KATNAL1: variants seen among roughly 807,000 people sequenced by gnomAD.
KATNAL1 encodes the protein katanin catalytic subunit A1 like 1.
In KATNAL1, 32 loss-of-function variants were observed where a neutral mutation model predicts 55.2. The observed-to-expected ratio is 0.58, with a 90% CI of 0.44 to 0.78. The LOEUF (loss-of-function observed/expected upper bound fraction) is 0.78. Among genes scored for constraint, KATNAL1 ranks in the 30% least tolerant of loss-of-function variants. The pLI, the probability that KATNAL1 is intolerant of heterozygous loss-of-function variation, is 0.00. For missense variants in KATNAL1, 466 were observed against 600.9 expected (o/e 0.78, Z 2.35); for synonymous variants, 193 against 193.6 (o/e 1.00, Z 0.02).
At chr13:30,293,354 C>A (rs960069440) in intron 1 of KATNAL1, among the ~76,000 whole-genome samples, 4 of 152,048 alleles carry the variant, frequency 2.6e-5, no homozygotes, top group Non-Finnish European at 5.9e-5. Context: ...AAGTGTGCAG[C>A]TCAATGACCT....
At chr13:30,282,788 A>G (rs1427928602) in intron 2 of KATNAL1, among the ~76,000 whole-genome samples, 1 of 151,072 alleles carries the variant, frequency 6.6e-6, no homozygotes, top group Admixed American at 6.6e-5. Flanking sequence ...CCCCATCTCT[A>G]CTAAAAAATA....
chr13:30,240,985 A>G lies in KATNAL1; in HGVS notation c.594T>C (p.Ile198=), dbSNP rs780582136. 22 of 1,613,148 alleles carry G rather than the reference A, an allele frequency of 1.4e-5. No individual in the cohort carries two copies. The African/African-American group carries it at 2.9e-4, about 22-fold the overall frequency. ...KDLVEALERD[I]VSRNPSIHWD... ...AATGAATGCTAGGATTCCTGGATAC[A>G]ATGTCTCTTTCAAGGGCTTCCACCA... The change falls in exon 5 of 11, where the codon ATT becomes ATC. Residue 198 remains isoleucine, a synonymous_variant. Coordinates refer to ENST00000380615, the MANE Select transcript of KATNAL1 (RefSeq NM_032116.5).
chr13:30,223,828 T>C (rs1404620094), intron 9 of KATNAL1, among the ~76,000 whole-genome samples: 3 of 152,130 alleles, frequency 2.0e-5, no homozygotes, highest in Non-Finnish European at 4.4e-5. Context: ...TCAGCAAGGA[T>C]CTTATTATTT....
chr13:30,279,934 T>C, intron 3 of KATNAL1, 129 bp downstream of exon 3: 1 of 749,892 alleles, frequency 1.3e-6, no homozygotes, highest in Middle Eastern at 2.5e-4. Context: ...TGTATAAATG[T>C]GAATATTAAA....
intron 1 of KATNAL1, 86 bp from the exon 2 acceptor site, chr13:30,283,877 CT>C (rs34524152): frequency 0.2 from 138,188 of 675,392 alleles, 218 homozygotes; most frequent in South Asian, 0.24. Context: ...TTTAAAACTA[CT>C]TTTTTTTTTT....
chr13:30,294,137 C>T (rs932979411), intron 1 of KATNAL1, among the ~76,000 whole-genome samples: 1 of 152,148 alleles, frequency 6.6e-6, no homozygotes, highest in Non-Finnish European at 1.5e-5. Context: ...ACAATAGCCT[C>T]TAAGTGTTCA....
chr13:30,270,138 C>G lies in KATNAL1; in HGVS notation c.323+9925G>C, dbSNP rs1271220299. ...GGAGGTGAGGGGCGCCTCTGCCCGG[C>G]CGCCCCTACTGGGAAGTGAGGAGCC... On this transcript the variant is annotated intron_variant, in intron 3 of 10. Coordinates refer to ENST00000380615, the MANE Select transcript of KATNAL1 (RefSeq NM_032116.5). Among the ~76,000 whole-genome samples, 2 of 137,636 alleles carry G rather than the reference C, an allele frequency of 1.5e-5. 1 individual carries two copies. 90.3% of individuals were successfully genotyped at this position (137,636 alleles called of 152,430 possible).
intron 9 of KATNAL1, among the ~76,000 whole-genome samples, chr13:30,214,659 A>G (rs1388995739): frequency 6.6e-6 from 1 of 152,200 alleles, no homozygotes; most frequent in Non-Finnish European, 1.5e-5. Context: ...CCTCAGAAAA[A>G]CAAGCAATGG....
chr13:30,253,130 T>C (rs1002887731), intron 4 of KATNAL1, among the ~76,000 whole-genome samples: 3 of 152,226 alleles, frequency 2.0e-5, no homozygotes, highest in African/African-American at 7.2e-5. Context: ...TATCGCAGCC[T>C]TCAGTGAGTT....
At chr13:30,292,388 T>TC (rs1882192950) in intron 1 of KATNAL1, among the ~76,000 whole-genome samples, 1 of 151,582 alleles carries the variant, frequency 6.6e-6, no homozygotes, top group Admixed American at 6.6e-5. Context: ...TTCCATCAGT[T>TC]CCCCAAGCCC....
intron 1 of KATNAL1, among the ~76,000 whole-genome samples, chr13:30,295,106 A>T (rs1259156294): frequency 6.6e-6 from 1 of 152,252 alleles, no homozygotes; most frequent in African/African-American, 2.4e-5. Flanking sequence ...TCCATTCTGC[A>T]GGCCATGGAT....
intron 4 of KATNAL1, among the ~76,000 whole-genome samples, chr13:30,247,343 C>A (rs115405932): frequency 0.013 from 2,010 of 152,258 alleles, 36 homozygotes; most frequent in African/African-American, 0.045. Context: ...CAGTATCATG[C>A]CCTGCATTTG....
intron 3 of KATNAL1, among the ~76,000 whole-genome samples, chr13:30,275,247 G>A (rs1013317631): frequency 6.6e-6 from 1 of 152,190 alleles, no homozygotes; most frequent in South Asian, 2.1e-4. Context: ...AAAGGGGGAA[G>A]CCAGCATATC....
intron 9 of KATNAL1, among the ~76,000 whole-genome samples, chr13:30,215,051 T>C (rs1026019978): frequency 1.3e-5 from 2 of 151,318 alleles, no homozygotes; most frequent in African/African-American, 4.9e-5. Flanking sequence ...ATCCAGAATC[T>C]ACAATGAACT....
At chr13:30,241,344 C>T (rs951901347) in intron 4 of KATNAL1, among the ~76,000 whole-genome samples, 6 of 152,160 alleles carry the variant, frequency 3.9e-5, no homozygotes, top group Admixed American at 6.5e-5. Flanking sequence ...CTGATCCTTG[C>T]TAGATCCCAA....
chr13:30,297,053 T>C (rs1402784708), intron 1 of KATNAL1, among the ~76,000 whole-genome samples: 3 of 151,546 alleles, frequency 2.0e-5, no homozygotes, highest in African/African-American at 7.3e-5. Context: ...GATGATCGCT[T>C]GAGTCTGAGA....
chr13:30,251,581 T>C (rs1878325047), intron 4 of KATNAL1, among the ~76,000 whole-genome samples: 1 of 152,228 alleles, frequency 6.6e-6, no homozygotes, highest in African/African-American at 2.4e-5. Context: ...CCAAATCTGC[T>C]AGTGGCTTGA....
rs114871657 is a variant in KATNAL1, at chr13:30,280,921, G to A, written c.163-698C>T. Among the ~76,000 whole-genome samples the A allele has an allele frequency of 3.0e-3, 455 of 151,950 alleles. 5 individuals carry two copies. The highest frequency in any genetic ancestry group is 0.01 in the African/African-American group (431 of 41,468). On this transcript the variant is annotated intron_variant, in intron 2 of 10. Transcript: ENST00000380615. ...TAATTTTCCAAAGCAAACAGATAAAGATTAAAAATTACATTCAAGACCAGC... is the reference window on the plus strand; with the variant it reads ...TAATTTTCCAAAGCAAACAGATAAAAATTAAAAATTACATTCAAGACCAGC...
rs546611851 is a variant in KATNAL1 at position 30,233,359 on chromosome 13, C to A, written c.727-1887G>T. 2.6e-5 allele frequency among the ~76,000 whole-genome samples: 4 copies of A among 152,184 alleles called. No individual in the cohort carries two copies. In the South Asian group the frequency reaches 8.3e-4, roughly 32 times the overall value. ...TGTCCAATAGATACATGAAAAAATG[C>A]TCAACATCACTAATCATTAGAGAAA... On this transcript the variant is annotated intron_variant, in intron 6 of 10. Coordinates refer to ENST00000380615, the MANE Select transcript of KATNAL1 (RefSeq NM_032116.5).
Sources: gnomAD v4.1 joint callset for allele counts (sites outside exome capture counted in the v4.1 genomes callset) on GRCh38, gnomAD v4.1.1 for gene constraint, MANE v1.5 for transcripts, NCBI Gene and HGNC (gene_info 2026-07-23, HGNC 2026-07-21) for gene names.